Variants in ATAD2B observed in about 807,000 individuals in gnomAD.
The protein encoded by ATAD2B is ATPase family AAA domain-containing protein 2B.
In ATAD2B, 40 loss-of-function variants were observed where a neutral mutation model predicts 167.6. The ratio of observed to expected loss-of-function variants is 0.24; its 90% confidence interval spans 0.19 to 0.31. The LOEUF (loss-of-function observed/expected upper bound fraction) is 0.31. Among genes scored for constraint, ATAD2B ranks in the 10% least tolerant of loss-of-function variants. The pLI is 1.00. For synonymous variants in ATAD2B, 579 were observed against 596.5 expected, an observed-to-expected ratio of 0.97 and a Z score of 0.43; for missense variants, 1,242 against 1,757.2, an observed-to-expected ratio of 0.71 and a Z score of 5.24.
intron 26 of ATAD2B, 41 bp downstream of exon 26, chr2:23,754,606 G>A (rs1487919035): frequency 7.5e-6 from 12 of 1,594,190 alleles, no homozygotes; most frequent in African/African-American, 6.8e-5. Context: ...TCAAATCTCC[G>A]TCCATTCATT....
At chr2:23,915,964 A>C (rs551241979) in intron 1 of ATAD2B, among the ~76,000 whole-genome samples, 149 of 152,294 alleles carry the variant, frequency 9.8e-4, no homozygotes, top group African/African-American at 3.4e-3. Flanking sequence ...AAATATGCTA[A>C]AACCCTTACA....
intron 13 of ATAD2B, among the ~76,000 whole-genome samples, chr2:23,852,645 G>A (rs572087967): frequency 3.3e-5 from 5 of 152,224 alleles, no homozygotes; most frequent in South Asian, 4.2e-4. Flanking sequence ...CAGGCCAGGC[G>A]CAGTGGCTCA....
intron 1 of ATAD2B, among the ~76,000 whole-genome samples, chr2:23,897,457 G>A (rs982463229): frequency 6.6e-6 from 1 of 151,986 alleles, no homozygotes; most frequent in African/African-American, 2.4e-5. Context: ...GACTACTCTT[G>A]CCATTATCAA....
intron 22 of ATAD2B, among the ~76,000 whole-genome samples, chr2:23,778,482 C>T (rs563420308): frequency 6.6e-6 from 1 of 152,228 alleles, no homozygotes; most frequent in South Asian, 2.1e-4. Context: ...ATGTAATAAG[C>T]ACAAAGTATA....
chr2:23,871,109 C>CG (rs1695901539), intron 8 of ATAD2B, among the ~76,000 whole-genome samples: 1 of 142,120 alleles, frequency 7.0e-6, no homozygotes, highest in Admixed American at 6.9e-5. Flanking sequence ...TAGTAATTTG[C>CG]AAAAAAAAAA....
chr2:23,756,734 T>A (rs1233256946), intron 25 of ATAD2B, among the ~76,000 whole-genome samples: 1 of 152,166 alleles, frequency 6.6e-6, no homozygotes, highest in Non-Finnish European at 1.5e-5. Context: ...TCCCCCACTA[T>A]TGGACTTATA....
intron 17 of ATAD2B, among the ~76,000 whole-genome samples, chr2:23,819,482 C>CGG: frequency 8.9e-6 from 1 of 112,786 alleles, no homozygotes; most frequent in Non-Finnish European, 2.0e-5. Flanking sequence ...CAGAGTGAGA[C>CGG]TCTGCCTCCC....
intron 1 of ATAD2B, among the ~76,000 whole-genome samples, chr2:23,924,380 C>T (rs941276399): frequency 6.6e-6 from 1 of 152,220 alleles, no homozygotes; most frequent in African/African-American, 2.4e-5. Context: ...TTACAGACCC[C>T]ACAGACATAG....
the ATAD2B span, among the ~76,000 whole-genome samples, chr2:23,721,149 C>T: frequency 3.3e-5 from 5 of 152,316 alleles, no homozygotes; most frequent in South Asian, 1.0e-3. Flanking sequence ...ATGTGCCCTA[C>T]CCCTCAAGCC....
intron 13 of ATAD2B, among the ~76,000 whole-genome samples, chr2:23,838,703 C>T (rs1358717735): frequency 6.6e-6 from 1 of 152,036 alleles, no homozygotes; most frequent in Non-Finnish European, 1.5e-5. Context: ...AAAGAGATAT[C>T]CAATTTTCCC....
chr2:23,880,901 A>T (rs1697786365), intron 6 of ATAD2B, 146 bp from the exon 7 acceptor site: 9 of 590,364 alleles, frequency 1.5e-5, no homozygotes, highest in Non-Finnish European at 2.6e-5. Flanking sequence ...CGTAAAGCAT[A>T]CATAATTAAA....
At chr2:23,704,185 C>T in the ATAD2B span, among the ~76,000 whole-genome samples, 1 of 152,242 alleles carries the variant, frequency 6.6e-6, no homozygotes, top group Non-Finnish European at 1.5e-5. Context: ...TGCCCCATCA[C>T]AGACAGAAGG....
At chr2:23,925,080 T>C (rs1444244402) in intron 1 of ATAD2B, among the ~76,000 whole-genome samples, 1 of 152,240 alleles carries the variant, frequency 6.6e-6, no homozygotes, top group Non-Finnish European at 1.5e-5. Flanking sequence ...AAAGATCTTT[T>C]CTTAAATTGA....
intron 12 of ATAD2B, 37 bp downstream of exon 12, chr2:23,863,344 A>C: frequency 7.2e-6 from 11 of 1,538,416 alleles, no homozygotes; most frequent in Non-Finnish European, 9.6e-6. Flanking sequence ...AACAGAACAG[A>C]ACAGAAAAGA....
chr2:23,864,712 A>T, intron 11 of ATAD2B, 97 bp downstream of exon 11: 1 of 565,602 alleles, frequency 1.8e-6, no homozygotes, highest in Non-Finnish European at 2.9e-6. Context: ...ACGTCAAATA[A>T]ATATATATCA....
At chr2:23,680,262 G>A in the ATAD2B span, among the ~76,000 whole-genome samples, 1 of 152,130 alleles carries the variant, frequency 6.6e-6, no homozygotes, top group Admixed American at 6.5e-5. This position sits in a 1 kb window ranked among gnomAD's most constrained non-coding sequence, Gnocchi z 4.1. Context: ...AGGGAGGGGA[G>A]GAGTCTGGGG....
chr2:23,819,351 C>T (rs935560221), intron 17 of ATAD2B, among the ~76,000 whole-genome samples: 1 of 151,924 alleles, frequency 6.6e-6, no homozygotes, highest in African/African-American at 2.4e-5. Context: ...ATTAGCTGGG[C>T]GTGGTAGCGC....
chr2:23,869,861 G>A, intron 8 of ATAD2B, 100 bp from the exon 9 acceptor site: 1 of 733,224 alleles, frequency 1.4e-6, no homozygotes, highest in Non-Finnish European at 2.2e-6. Context: ...AATTCATTCA[G>A]CAAATATTTA....
At chr2:23,872,774 A>C in intron 8 of ATAD2B, 1 of 936,640 alleles carries the variant, frequency 1.1e-6, no homozygotes, top group Non-Finnish European at 1.7e-6. Context: ...CACTACAGGC[A>C]ACCACATCTG....
Sources: allele counts gnomAD v4.1 joint callset (sites outside exome capture counted in the v4.1 genomes callset), GRCh38; gene constraint gnomAD v4.1.1; non-coding constraint Gnocchi (gnomAD v3.1); transcripts MANE v1.5; gene names NCBI Gene and HGNC (gene_info 2026-07-23, HGNC 2026-07-21).